Variants in NFASC observed in about 807,000 individuals in gnomAD.
NFASC encodes neurofascin.
NFASC carries 43 observed loss-of-function variants against 147.5 expected under a neutral mutation model. The ratio of observed to expected loss-of-function variants is 0.29; its 90% CI spans 0.23 to 0.38. The LOEUF is 0.38. NFASC is among the 10% of genes least tolerant of loss of function. The pLI is 1.00. For synonymous variants in NFASC, 622 were observed against 665.5 expected (o/e 0.93, Z 1.01); for missense variants, 1,320 against 1,689.0 (o/e 0.78, Z 3.83).
In NFASC at chr1:205,009,696, G is replaced by A. The variant is rs772567756; in HGVS notation, c.3421+8G>A. ...GCGGCGGCAAGTACCCAGGTGAGAT[G>A]TGCAAGAGGCGTGGGCTTGCAGGGT... is the stretch of plus-strand genomic sequence containing the variant. On this transcript the variant is annotated splice_region_variant and intron_variant, in intron 28 of 29. Coordinates refer to ENST00000339876, the MANE Select transcript of NFASC (RefSeq NM_001005388.3). The A allele has an allele frequency of 6.2e-7, 1 of 1,613,392 alleles. No individual in the cohort carries two copies. The highest frequency in any genetic ancestry group is 8.5e-7 in the Non-Finnish European group (1 of 1,179,718).
chr1:205,012,700 G>C, intron 28 of NFASC, 97 bp from the exon 29 acceptor site: 2 of 889,200 alleles, frequency 2.2e-6, no homozygotes, highest in African/African-American at 1.6e-5. Context: ...GTGAGCCCAG[G>C]GCGGTGCCTT....
intron 1 of NFASC, among the ~76,000 whole-genome samples, chr1:204,873,937 G>A (rs2078223510): frequency 6.6e-6 from 1 of 152,204 alleles, no homozygotes; most frequent in Admixed American, 6.5e-5. Flanking sequence ...TGGCACAGTG[G>A]GTGGACAGGT....
rs1403581484 is a variant in NFASC at position 204,846,974 on chromosome 1, T to TGTGTGTGTGTGTGTGTG, written c.-200+18197_-200+18198insTGTGTGTGTGTGGTGTG. 4.2e-3 allele frequency among the ~76,000 whole-genome samples: 631 copies of TGTGTGTGTGTGTGTGTG among 152,020 alleles called. 6 individuals carry two copies. The highest frequency in any genetic ancestry group is 0.015 in the African/African-American group (610 of 41,476). On this transcript the variant is annotated intron_variant, in intron 1 of 29. Transcript: ENST00000339876. Reference sequence around the variant, plus strand: ...ACGCGTGTGTGTGTGTGTGTGTGTGTGTGTGGTGTGTAGGAGAAGAGGGAG... The same window carrying TGTGTGTGTGTGTGTGTG: ...ACGCGTGTGTGTGTGTGTGTGTGTGTGTGTGTGTGTGTGTGTGGTGTGGTGTGTAGGAGAAGAGGGAG...
Position 205,002,713 on chromosome 1 carries a change from TC to T in NFASC, c.3255del (p.Ser1086AlafsTer8). On this transcript the variant is annotated frameshift_variant, in exon 27 of 30. Transcript: ENST00000339876. LOFTEE classifies it high-confidence loss of function. ...LRVYSRDNEGISSTVITFMTS... is the reference protein window; with the variant it reads ...LRVYSRDNEGXSSTVITFMTS... Reference sequence around the variant, plus strand: ...GTTTATTCCCGGGACAACGAGGGCATCAGCAGTACCGTCATCACCTTTATGA... The same window carrying T: ...GTTTATTCCCGGGACAACGAGGGCATAGCAGTACCGTCATCACCTTTATGA... The T allele has an allele frequency of 6.4e-7, 1 of 1,571,744 alleles. No individual in the cohort carries two copies. The highest frequency in any genetic ancestry group is 8.7e-7 in the Non-Finnish European group (1 of 1,149,676).
At chr1:204,830,800 A>G (rs1319148768) in intron 1 of NFASC, among the ~76,000 whole-genome samples, 1 of 152,254 alleles carries the variant, frequency 6.6e-6, no homozygotes, top group Non-Finnish European at 1.5e-5. Flanking sequence ...CCAGAGGCTT[A>G]AATTGAGGCG....
intron 29 of NFASC, among the ~76,000 whole-genome samples, chr1:205,014,135 A>G (rs1436202700): frequency 1.3e-5 from 2 of 152,152 alleles, no homozygotes. Context: ...CTCCTCCAAT[A>G]CAAGGCTGGG....
intron 1 of NFASC, among the ~76,000 whole-genome samples, chr1:204,894,114 C>T (rs1157480420): frequency 6.6e-6 from 1 of 152,174 alleles, no homozygotes; most frequent in Non-Finnish European, 1.5e-5. Flanking sequence ...GCATCATGTC[C>T]TAAAATAGTC....
chr1:204,949,421 C>G (rs1369746610), intron 3 of NFASC, among the ~76,000 whole-genome samples: 1 of 152,240 alleles, frequency 6.6e-6, no homozygotes, highest in Non-Finnish European at 1.5e-5. Context: ...CAGCTCGCAG[C>G]TCCCCACAAG....
At position 204,828,673 on chromosome 1, in the gene NFASC, C is replaced by T. The variant is rs942676134; in HGVS notation, c.-309C>T. On this transcript the variant is annotated 5_prime_UTR_variant, in exon 1 of 30. Transcript: ENST00000339876. ...GGACGCGCACGGGCTGGTCTCTGCC[C>T]TAATGCGGCGGCTGGCGGCGAGAGG... The T allele has an allele frequency of 1.0e-6, 1 of 985,152 alleles. No homozygotes were observed. Among genetic ancestry groups the T allele is most frequent in the Admixed American group, 6.2e-5 (1 of 16,236 alleles). The allele number at this position is 985,152 out of a possible 1,614,324, so 61.0% of individuals were successfully genotyped here.
chr1:204,902,248 T>C (rs1201012947), intron 1 of NFASC, among the ~76,000 whole-genome samples: 1 of 152,018 alleles, frequency 6.6e-6, no homozygotes, highest in Non-Finnish European at 1.5e-5. Context: ...TGAGCTGTGA[T>C]TGCACCACTG....
In NFASC at chr1:204,863,858, A is replaced by G. The variant is rs1293913678; in HGVS notation, c.-200+35076A>G. Among the ~76,000 whole-genome samples the G allele has an allele frequency of 3.3e-5, 5 of 151,780 alleles. No homozygotes were observed. The South Asian group carries it at 6.2e-4, about 19-fold the overall frequency. On this transcript the variant is annotated intron_variant, in intron 1 of 29. Coordinates refer to ENST00000339876, the MANE Select transcript of NFASC (RefSeq NM_001005388.3). ...GCAAGACTCTGTCTCAAAAAAAAAA[A>G]AAAAAGAAAGAAGGAAAAGAAAGAA...
In NFASC at chr1:205,015,257, C is replaced by T. The variant is rs755314807; in HGVS notation, c.3492-1051C>T. Among the ~76,000 whole-genome samples, 2 of 152,108 alleles carry T rather than the reference C, an allele frequency of 1.3e-5. 1 individual carries two copies. Among genetic ancestry groups the T allele is most frequent in the South Asian group, 4.1e-4 (2 of 4,830 alleles). On this transcript the variant is annotated intron_variant, in intron 29 of 29. Transcript: ENST00000339876. This position sits in a 1 kb window ranked among gnomAD's most constrained non-coding sequence, Gnocchi z 4.0. ...GTGTGTGGTGTGTGTCTGCTCAGAC[C>T]GCCTGGCACCGCTATGGTCCCACCA...
At position 205,020,614 on chromosome 1, in the gene NFASC, C is replaced by T. The variant is rs1440076619; in HGVS notation, c.*4075C>T. The T allele has an allele frequency of 6.6e-6, 1 of 152,278 alleles. No homozygotes were observed. The highest frequency in any genetic ancestry group is 2.4e-5 in the African/African-American group (1 of 41,472). The allele number at this position is 152,278 out of a possible 1,614,324, so 9.4% of individuals were successfully genotyped here. A position where few individuals can be genotyped will look rare whatever the true frequency, so the allele number is the denominator to read the frequency against. On this transcript the variant is annotated 3_prime_UTR_variant, in exon 30 of 30. Transcript: ENST00000339876. ...CAAGCAATGGCACGGGCAGCGGGCT[C>T]TTTCTGGCGCCCTGTGCTGGAGCAG...
At position 204,979,447 on chromosome 1, in the gene NFASC, C is replaced by T. The variant is rs773158029; in HGVS notation, c.2064C>T (p.Ala688=). Residue 688 remains alanine, a synonymous_variant, in exon 19 of 30, where the codon GCC becomes GCT. Coordinates refer to ENST00000339876, the MANE Select transcript of NFASC (RefSeq NM_001005388.3). This position sits in a 1 kb window ranked among gnomAD's most constrained non-coding sequence, Gnocchi z 6.0. ...AGTACCCCGGCAGCGTTAACTCAGC[C>T]GTCCTCCGGCTGTCCCCGTATGTCA... The part of the protein sequence containing the change: ...HSKYPGSVNS[A]VLRLSPYVNY... 3.9e-5 allele frequency: 63 copies of T among 1,613,950 alleles called. No homozygotes were observed. Among genetic ancestry groups the T allele is most frequent in the Non-Finnish European group, 5.1e-5 (60 of 1,180,028 alleles).
chr1:204,947,906 T>G (rs998943474), intron 3 of NFASC, among the ~76,000 whole-genome samples: 8 of 151,866 alleles, frequency 5.3e-5, no homozygotes, highest in African/African-American at 1.5e-4. Context: ...ACCTGCTCAC[T>G]CATGCACACT....
intron 8 of NFASC, among the ~76,000 whole-genome samples, chr1:204,966,450 A>G (rs2094954919): frequency 6.6e-6 from 1 of 152,156 alleles, no homozygotes; most frequent in Admixed American, 6.5e-5. Flanking sequence ...CAACCTGACA[A>G]CAGAGCCTTC....
intron 1 of NFASC, among the ~76,000 whole-genome samples, chr1:204,908,542 T>G (rs2369423): frequency 0.45 from 67,603 of 151,914 alleles, 15,518 homozygotes; most frequent in Admixed American, 0.55. Context: ...AGATTCACAT[T>G]CAGTTGTAGC....
In NFASC at chr1:204,871,075, G is replaced by A. The variant is rs566911823; in HGVS notation, c.-200+42293G>A. 50 of 1,289,836 alleles carry A rather than the reference G, an allele frequency of 3.9e-5. 1 individual carries two copies. In the South Asian group the frequency reaches 5.9e-4, roughly 15 times the overall value. 79.9% of individuals were successfully genotyped at this position (1,289,836 alleles called of 1,614,324 possible). On this transcript the variant is annotated intron_variant, in intron 1 of 29. Coordinates refer to ENST00000339876, the MANE Select transcript of NFASC (RefSeq NM_001005388.3). ...CATGGCTCCTTCAGGAGAGAGGTAG[G>A]ATGGTCAACTCTGCCCTCCCTCTTG...
chr1:204,941,394 C>CT (rs555701532), intron 2 of NFASC, among the ~76,000 whole-genome samples: 2 of 152,114 alleles, frequency 1.3e-5, no homozygotes, highest in Non-Finnish European at 2.9e-5. Flanking sequence ...TACAATTGGG[C>CT]TTTTTTTTCT....
Sources: allele counts gnomAD v4.1 joint callset (sites outside exome capture counted in the v4.1 genomes callset), GRCh38; gene constraint gnomAD v4.1.1; non-coding constraint Gnocchi (gnomAD v3.1); transcripts MANE v1.5; gene names NCBI Gene and HGNC (gene_info 2026-07-23, HGNC 2026-07-21).